Variants in NSRP1 observed in about 807,000 individuals in gnomAD.
NSRP1 encodes the protein coiled-coil domain containing 55.
NSRP1 carries 24 observed loss-of-function variants against 54.7 expected under a neutral mutation model. The observed-to-expected ratio is 0.44, with a 90% CI of 0.32 to 0.62. The LOEUF (loss-of-function observed/expected upper bound fraction) is 0.62. NSRP1 is among the 20% of genes least tolerant of loss of function. NSRP1 has a pLI of 0.06. For missense variants in NSRP1, 596 were observed against 651.2 expected, an observed-to-expected ratio of 0.92 and a Z score of 0.92; for synonymous variants, 210 against 213.8, an observed-to-expected ratio of 0.98 and a Z score of 0.15.
chr17:30,158,909 C>T (rs1424714364), intron 2 of NSRP1, among the ~76,000 whole-genome samples: 1 of 152,142 alleles, frequency 6.6e-6, no homozygotes, highest in Non-Finnish European at 1.5e-5. Context: ...ATGCCTCTAG[C>T]TGTTCTTTTT....
chr17:30,166,106 TAG>T (rs2143007183), intron 2 of NSRP1, among the ~76,000 whole-genome samples: 1 of 152,226 alleles, frequency 6.6e-6, no homozygotes, highest in African/African-American at 2.4e-5. Flanking sequence ...ACAAAAATGG[TAG>T]CTAACCTTTG....
intron 2 of NSRP1, among the ~76,000 whole-genome samples, chr17:30,147,958 T>G (rs1410445276): frequency 6.6e-6 from 1 of 152,056 alleles, no homozygotes; most frequent in Non-Finnish European, 1.5e-5. Context: ...ATTGCAGGCA[T>G]GTGCTACCAT....
chr17:30,156,131 C>T (rs1009601876), intron 2 of NSRP1, among the ~76,000 whole-genome samples: 1 of 151,218 alleles, frequency 6.6e-6, no homozygotes. Flanking sequence ...TGAGCCACCA[C>T]GCCCGGCCCA....
At chr17:30,157,851 G>A (rs1013950555) in intron 2 of NSRP1, among the ~76,000 whole-genome samples, 1 of 152,036 alleles carries the variant, frequency 6.6e-6, no homozygotes, top group Admixed American at 6.6e-5. Context: ...TTTCATTATG[G>A]CCAAATAGTA....
intron 2 of NSRP1, among the ~76,000 whole-genome samples, chr17:30,162,648 T>A (rs1035146335): frequency 6.6e-6 from 1 of 152,210 alleles, no homozygotes; most frequent in African/African-American, 2.4e-5. Flanking sequence ...TAGGTGCAAC[T>A]TTTATTTAAG....
intron 2 of NSRP1, among the ~76,000 whole-genome samples, chr17:30,159,779 C>T (rs1904443407): frequency 6.6e-6 from 1 of 152,126 alleles, no homozygotes; most frequent in South Asian, 2.1e-4. Flanking sequence ...CTGCCTCAGC[C>T]TCCCAAGTAG....
In NSRP1 at chr17:30,122,386, T is replaced by TATATATATATATATA. The variant is rs1329288159; in HGVS notation, c.114+4213_114+4214insATATATATATATATA. The TATATATATATATATA allele has an allele frequency of 3.6e-3, 26 of 7,158 alleles. No homozygotes were observed. In the East Asian group the frequency reaches 0.038, roughly 11 times the overall value. 0.4% of individuals were successfully genotyped at this position (7,158 alleles called of 1,614,324 possible). A position where few individuals can be genotyped will look rare whatever the true frequency, so the allele number is the denominator to read the frequency against. On this transcript the variant is annotated intron_variant, in intron 2 of 6. Coordinates refer to ENST00000247026, the MANE Select transcript of NSRP1 (RefSeq NM_032141.4). ...ATATATATATATATATATATATATA[T>TATATATATATATATA]TTTTTTTTTTTTTTTTTTTTTTTTT...
At chr17:30,162,463 A>G (rs990566546) in intron 2 of NSRP1, among the ~76,000 whole-genome samples, 1 of 152,238 alleles carries the variant, frequency 6.6e-6, no homozygotes, top group Non-Finnish European at 1.5e-5. Context: ...ATGTGGACAA[A>G]TAGAGATTGC....
At chr17:30,155,553 T>C (rs1444305404) in intron 2 of NSRP1, among the ~76,000 whole-genome samples, 3 of 152,166 alleles carry the variant, frequency 2.0e-5, no homozygotes, top group Non-Finnish European at 4.4e-5. Context: ...TTGCTTTGTT[T>C]TTAAGAGATG....
At chr17:30,164,205 A>C (rs1473589813) in intron 2 of NSRP1, among the ~76,000 whole-genome samples, 2 of 152,102 alleles carry the variant, frequency 1.3e-5, no homozygotes, top group African/African-American at 4.8e-5. Context: ...CTAGATTATA[A>C]TCTTTTTGTA....
At chr17:30,163,123 G>T (rs1386385467) in intron 2 of NSRP1, 5 of 151,826 alleles carry the variant, frequency 3.3e-5, no homozygotes, top group African/African-American at 1.2e-4. Flanking sequence ...GAGCTCAAGT[G>T]ATCCAGCCGC....
At chr17:30,180,216 G>A (rs947335482) in intron 5 of NSRP1, among the ~76,000 whole-genome samples, 9 of 152,182 alleles carry the variant, frequency 5.9e-5, no homozygotes, top group Admixed American at 2.0e-4. Context: ...GAGTGCAGTC[G>A]TATGATCTTG....
chr17:30,131,629 A>G (rs981628773), intron 2 of NSRP1, among the ~76,000 whole-genome samples: 2 of 152,184 alleles, frequency 1.3e-5, no homozygotes, highest in Non-Finnish European at 2.9e-5. Flanking sequence ...GCCAGCAATA[A>G]TCTTTTTGCT....
intron 2 of NSRP1, among the ~76,000 whole-genome samples, chr17:30,158,112 T>A (rs1485021742): frequency 1.3e-5 from 2 of 152,174 alleles, no homozygotes; most frequent in African/African-American, 4.8e-5. Context: ...GTATAAGAGT[T>A]CCCTTTTCTT....
intron 2 of NSRP1, among the ~76,000 whole-genome samples, chr17:30,125,616 C>T (rs1352204681): frequency 1.3e-5 from 2 of 152,144 alleles, no homozygotes; most frequent in African/African-American, 2.4e-5. Context: ...GGCGGCATCT[C>T]GGGTCACTGC....
intron 2 of NSRP1, among the ~76,000 whole-genome samples, chr17:30,129,914 C>T (rs932317456): frequency 2.0e-5 from 3 of 151,926 alleles, no homozygotes; most frequent in Non-Finnish European, 2.9e-5. Context: ...TTTATGGTAC[C>T]GAGTATATCA....
intron 2 of NSRP1, chr17:30,154,747 T>C (rs943388267): frequency 2.0e-5 from 3 of 151,218 alleles, no homozygotes; most frequent in African/African-American, 4.9e-5. Context: ...AAGAAAGAAA[T>C]GAATGCTTGG....
intron 2 of NSRP1, among the ~76,000 whole-genome samples, chr17:30,153,549 A>G (rs549906738): frequency 6.6e-6 from 1 of 151,854 alleles, no homozygotes; most frequent in African/African-American, 2.4e-5. Context: ...CCTCTCTTCC[A>G]CCTGCTGCTT....
intron 2 of NSRP1, among the ~76,000 whole-genome samples, chr17:30,134,117 G>A (rs117408947): frequency 0.013 from 1,937 of 152,214 alleles, 16 homozygotes; most frequent in Non-Finnish European, 0.022. Context: ...GCGTCTCAAG[G>A]AATAGGAAGG....
Sources: gnomAD v4.1 joint callset for allele counts (sites outside exome capture counted in the v4.1 genomes callset) on GRCh38, gnomAD v4.1.1 for gene constraint, MANE v1.5 for transcripts, NCBI Gene and HGNC (gene_info 2026-07-23, HGNC 2026-07-21) for gene names.